DIPK1A: variants seen among roughly 807,000 people sequenced by gnomAD.
DIPK1A encodes the protein family with sequence similarity 69 member A.
A neutral mutation model predicts 40.8 loss-of-function variants in DIPK1A; 27 were observed. The ratio of observed to expected loss-of-function variants is 0.66; its 90% CI spans 0.49 to 0.91. The LOEUF (loss-of-function observed/expected upper bound fraction) is 0.91. DIPK1A is among the 40% of genes least tolerant of loss of function. The pLI is 0.00. For missense variants in DIPK1A, 412 were observed against 505.7 expected (o/e 0.81, Z 1.78); for synonymous variants, 166 against 171.3 (o/e 0.97, Z 0.24).
intron 1 of DIPK1A, among the ~76,000 whole-genome samples, chr1:92,956,373 A>G (rs10874752): frequency 0.45 from 68,692 of 152,030 alleles, 15,921 homozygotes; most frequent in East Asian, 0.71. Flanking sequence ...CTGTACACAT[A>G]CCAGTCTCAG....
At chr1:92,927,971 A>G (rs1650589588) in intron 1 of DIPK1A, among the ~76,000 whole-genome samples, 1 of 152,180 alleles carries the variant, frequency 6.6e-6, no homozygotes, top group Non-Finnish European at 1.5e-5. Context: ...CTGGGTATAT[A>G]TCTAGGAGGG....
intron 1 of DIPK1A, among the ~76,000 whole-genome samples, chr1:92,940,217 C>T (rs1019042571): frequency 2.0e-5 from 3 of 152,002 alleles, no homozygotes; most frequent in Non-Finnish European, 2.9e-5. Flanking sequence ...GATGAGTGTC[C>T]GACATCACTC....
intron 1 of DIPK1A, among the ~76,000 whole-genome samples, chr1:92,942,310 A>G (rs1356077800): frequency 1.3e-5 from 2 of 152,158 alleles, no homozygotes; most frequent in Non-Finnish European, 2.9e-5. Flanking sequence ...GAGTCTTTCT[A>G]TTTTACCAAA....
At chr1:92,926,118 C>G (rs774025923) in intron 1 of DIPK1A, among the ~76,000 whole-genome samples, 11 of 151,914 alleles carry the variant, frequency 7.2e-5, no homozygotes, top group Non-Finnish European at 1.3e-4. Context: ...GTTTAATTTG[C>G]TTATTTTTTT....
At position 92,843,962 on chromosome 1, in the gene DIPK1A, AAG is replaced by A. The variant is rs755577426; in HGVS notation, c.706_707del (p.Tyr237TrpfsTer9). On this transcript the variant is annotated frameshift_variant, in exon 5 of 5. Transcript: ENST00000370310. LOFTEE classifies it high-confidence loss of function. ...TGACCCAAGGAAGGCTTATTCCATA[AAG>A]AGAGGTATATTCAACACTTTCCATC... The part of the protein sequence containing the change: ...YVMESVEYTS[L>X]YGISLPWVIE... The A allele has an allele frequency of 3.2e-6, 5 of 1,551,852 alleles. No homozygotes were observed. The highest frequency in any genetic ancestry group is 4.4e-6 in the Non-Finnish European group (5 of 1,147,048).
chr1:92,837,044 G>A (rs1687158257), intron 4 of DIPK1A: 1 of 289,336 alleles, frequency 3.5e-6, no homozygotes, highest in Non-Finnish European at 6.7e-6. Flanking sequence ...GTGGGTGGGG[G>A]GAGTTAGTTG....
intron 1 of DIPK1A, among the ~76,000 whole-genome samples, chr1:92,920,898 T>C (rs925793903): frequency 8.6e-5 from 13 of 151,954 alleles, no homozygotes; most frequent in African/African-American, 3.1e-4. Flanking sequence ...GGGGTGGCAG[T>C]AGATTTTGCA....
intron 1 of DIPK1A, among the ~76,000 whole-genome samples, chr1:92,938,241 G>A (rs1424202261): frequency 6.6e-6 from 1 of 151,366 alleles, no homozygotes; most frequent in East Asian, 1.9e-4. Flanking sequence ...GGCTGAGCCA[G>A]AAGAATTAGC....
At chr1:92,942,825 A>G (rs1651208384) in intron 1 of DIPK1A, among the ~76,000 whole-genome samples, 1 of 151,936 alleles carries the variant, frequency 6.6e-6, no homozygotes, top group Non-Finnish European at 1.5e-5. Context: ...CACCACGCCC[A>G]GCTAATTTTT....
At chr1:92,902,294 G>C (rs1434282933) in intron 1 of DIPK1A, among the ~76,000 whole-genome samples, 2 of 152,192 alleles carry the variant, frequency 1.3e-5, no homozygotes, top group Non-Finnish European at 2.9e-5. Flanking sequence ...AGGTGGAGTA[G>C]CTCCACCTCC....
chr1:92,926,051 T>A (rs1375140983), intron 1 of DIPK1A, among the ~76,000 whole-genome samples: 1 of 152,192 alleles, frequency 6.6e-6, no homozygotes, highest in African/African-American at 2.4e-5. Context: ...ATTGTCTCTG[T>A]TGTCTATTTT....
rs1401601998 is a variant in DIPK1A, at chr1:92,855,242, A to G, written c.190-4287T>C. Among the ~76,000 whole-genome samples, 6 of 152,240 alleles carry G rather than the reference A, an allele frequency of 3.9e-5. No individual in the cohort carries two copies. In the East Asian group the frequency reaches 1.2e-3, roughly 29 times the overall value. On this transcript the variant is annotated intron_variant, in intron 2 of 4. Transcript: ENST00000370310. Reference sequence around the variant, plus strand: ...GAAGTGAACAACAATGCAAGTGTATATATCAAAACTTGTGGGAGGCAGCCA... The same window carrying G: ...GAAGTGAACAACAATGCAAGTGTATGTATCAAAACTTGTGGGAGGCAGCCA...
At chr1:92,852,403 T>TG (rs1437608474) in intron 2 of DIPK1A, among the ~76,000 whole-genome samples, 1 of 151,734 alleles carries the variant, frequency 6.6e-6, no homozygotes, top group Non-Finnish European at 1.5e-5. Flanking sequence ...GAGGCTGCGG[T>TG]GGAAGAGTCG....
intron 1 of DIPK1A, among the ~76,000 whole-genome samples, chr1:92,934,959 C>A (rs1384186936): frequency 1.3e-5 from 2 of 152,212 alleles, no homozygotes; most frequent in African/African-American, 4.8e-5. Context: ...AGGCACAGAT[C>A]ATTTTCATGT....
At chr1:92,947,991 T>C (rs1485043321) in intron 1 of DIPK1A, among the ~76,000 whole-genome samples, 1 of 152,226 alleles carries the variant, frequency 6.6e-6, no homozygotes. Context: ...TACAGCACTG[T>C]AGAGTGACTC....
chr1:92,861,188 G>A (rs12064459), intron 2 of DIPK1A, among the ~76,000 whole-genome samples: 2,827 of 152,058 alleles, frequency 0.019, 111 homozygotes, highest in African/African-American at 0.064. Context: ...TTGGCTGTGG[G>A]TTTTTCATAA....
chr1:92,838,715 C>T (rs10782945), downstream of DIPK1A, among the ~76,000 whole-genome samples: 90,016 of 151,976 alleles, frequency 0.59, 27,882 homozygotes, highest in East Asian at 0.95. Context: ...GCTTGTCTGA[C>T]GTCTTGGAAG....
chr1:92,851,578 T>C (rs368803061), intron 2 of DIPK1A, among the ~76,000 whole-genome samples: 1 of 76,578 alleles, frequency 1.3e-5, no homozygotes, highest in African/African-American at 4.3e-5. Context: ...GGTTTTAAAA[T>C]AAATAAAGTT....
intron 1 of DIPK1A, among the ~76,000 whole-genome samples, chr1:92,955,072 G>A (rs1651795796): frequency 6.6e-6 from 1 of 152,194 alleles, no homozygotes; most frequent in African/African-American, 2.4e-5. Context: ...CTAAGTGAAA[G>A]AAGCCTATTT....
Sources: gnomAD v4.1 joint callset for allele counts (sites outside exome capture counted in the v4.1 genomes callset) on GRCh38, gnomAD v4.1.1 for gene constraint, MANE v1.5 for transcripts, NCBI Gene and HGNC (gene_info 2026-07-23, HGNC 2026-07-21) for gene names.